Variants in FSD2 observed in about 807,000 individuals in gnomAD.
FSD2 encodes the protein fibronectin type III and SPRY domain-containing protein 2.
A neutral mutation model predicts 80.4 loss-of-function variants in FSD2; 71 were observed. The observed-to-expected ratio is 0.88, with a 90% confidence interval of 0.73 to 1.08. The LOEUF is 1.08. Among genes scored for constraint, FSD2 ranks in the 50% least tolerant of loss-of-function variants. FSD2 has a pLI of 0.00. For missense variants in FSD2, 923 were observed against 913.8 expected (o/e 1.01, Z -0.13); for synonymous variants, 361 against 329.5 (o/e 1.10, Z -1.03).
At position 82,778,722 on chromosome 15, in the gene FSD2, T is replaced by C. The variant is rs1437680027; in HGVS notation, c.1111+44A>G. 3 of 1,545,158 alleles carry C rather than the reference T, an allele frequency of 1.9e-6. No individual in the cohort carries two copies. The African/African-American group carries it at 4.2e-5, about 21-fold the overall frequency. ...CTCATCACAAGAAAGAAAAAAGCTC[T>C]GGGTAGTCTGAACCTGCCGCGAAGT... On this transcript the variant is annotated intron_variant, in intron 6 of 12. Transcript: ENST00000334574.
chr15:82,762,899 G>A (rs1191266232), intron 11 of FSD2, among the ~76,000 whole-genome samples: 1 of 152,110 alleles, frequency 6.6e-6, no homozygotes, highest in Non-Finnish European at 1.5e-5. Context: ...AAATTATACT[G>A]GTATCTCCAA....
In FSD2 at chr15:82,765,978, C is replaced by T. The variant is rs149195634; in HGVS notation, c.1607G>A (p.Arg536Gln). 1.8e-5 allele frequency: 29 copies of T among 1,600,554 alleles called. 1 individual carries two copies. The highest frequency in any genetic ancestry group is 1.1e-4 in the African/African-American group (8 of 74,860). ...CESVVQLQPGRSYIIYVRALN... is the reference protein window; with the variant it reads ...CESVVQLQPGQSYIIYVRALN... ...GGCTCGCACATAGATAATGTAGCTC[C>T]GCCCCGGCTGCAGCTGCACCACGGA... is the stretch of plus-strand genomic sequence containing the variant. Residue 536 changes from arginine to glutamine, a missense_variant, in exon 10 of 13, where the codon CGG (arginine) becomes CAG (glutamine). Physicochemically the swap from Arg to Gln is conservative, Grantham distance 43. Coordinates refer to ENST00000334574, the MANE Select transcript of FSD2 (RefSeq NM_001007122.4).
Position 82,774,957 on chromosome 15 carries a change from T to C in FSD2, c.1112-2729A>G, listed in dbSNP as rs911089445. Among the ~76,000 whole-genome samples the C allele has an allele frequency of 5.3e-5, 8 of 150,544 alleles. No homozygotes were observed. In the East Asian group the frequency reaches 1.4e-3, roughly 27 times the overall value. The stretch of plus-strand genomic sequence containing the variant: ...GGATGGTCTCAATCTCCTGACCTCA[T>C]GATCCACCCACCTCAGCCGTCCAAA... On this transcript the variant is annotated intron_variant, in intron 6 of 12. Coordinates refer to ENST00000334574, the MANE Select transcript of FSD2 (RefSeq NM_001007122.4).
At chr15:82,783,080 A>G in intron 3 of FSD2, 55 bp from the exon 4 acceptor site, 1 of 1,306,560 alleles carries the variant, frequency 7.7e-7, no homozygotes, top group Admixed American at 2.2e-5. Flanking sequence ...TGTTGATTAG[A>G]GTCTTTTGTT....
chr15:82,782,127 G>C (rs1204975739), intron 4 of FSD2, among the ~76,000 whole-genome samples: 4 of 148,656 alleles, frequency 2.7e-5, no homozygotes, highest in African/African-American at 9.9e-5. Context: ...CGGGCATGGT[G>C]GCTCACGCCT....
intron 1 of FSD2, among the ~76,000 whole-genome samples, chr15:82,788,426 C>G (rs563118108): frequency 7.5e-4 from 111 of 147,204 alleles, no homozygotes; most frequent in African/African-American, 2.4e-3. Flanking sequence ...ATCACTTGAG[C>G]CTTGAGGGGT....
Position 82,786,387 on chromosome 15 carries a change from G to T in FSD2, c.735+124C>A. 3 of 721,938 alleles carry T rather than the reference G, an allele frequency of 4.2e-6. No individual in the cohort carries two copies. In the South Asian group the frequency reaches 5.1e-5, roughly 12 times the overall value. The allele number at this position is 721,938 out of a possible 1,614,324, so 44.7% of individuals were successfully genotyped here. ...TCAGTGAAAGAAGGGAGGAGAGAAG[G>T]GGGAGTGGTGACCCCTCACATTCTA... On this transcript the variant is annotated intron_variant, in intron 3 of 12. Coordinates refer to ENST00000334574, the MANE Select transcript of FSD2 (RefSeq NM_001007122.4).
chr15:82,772,330 C>T (rs945795289), intron 6 of FSD2, 102 bp from the exon 7 acceptor site: 4 of 1,228,520 alleles, frequency 3.3e-6, no homozygotes, highest in Admixed American at 4.6e-5. Flanking sequence ...AATCCACAGC[C>T]TTTGGGAATG....
At chr15:82,779,215 C>CT (rs1218159420) in intron 5 of FSD2, among the ~76,000 whole-genome samples, 1 of 152,164 alleles carries the variant, frequency 6.6e-6, no homozygotes, top group Non-Finnish European at 1.5e-5. Context: ...AGTTCCCACT[C>CT]TCAAGTCACT....
chr15:82,786,690 C>T (rs901731654), intron 2 of FSD2, 62 bp downstream of exon 2: 64 of 1,605,576 alleles, frequency 4.0e-5, no homozygotes, highest in Non-Finnish European at 5.2e-5. Flanking sequence ...TTATTCCCTG[C>T]GTATGTACTT....
intron 1 of FSD2, among the ~76,000 whole-genome samples, chr15:82,787,701 A>C (rs772635797): frequency 2.0e-5 from 3 of 151,222 alleles, no homozygotes; most frequent in Non-Finnish European, 4.4e-5. Flanking sequence ...ATGTCCAACA[A>C]AATACTTCCC....
intron 1 of FSD2, among the ~76,000 whole-genome samples, chr15:82,796,755 C>T (rs2050281176): frequency 6.6e-6 from 1 of 152,142 alleles, no homozygotes; most frequent in African/African-American, 2.4e-5. Flanking sequence ...TTTCCACCAT[C>T]ACTCTTCAGG....
At chr15:82,775,152 A>C (rs2049685453) in intron 6 of FSD2, among the ~76,000 whole-genome samples, 2 of 151,648 alleles carry the variant, frequency 1.3e-5, no homozygotes, top group Admixed American at 6.6e-5. Flanking sequence ...TAATCCCAGC[A>C]CTTTGGGAGG....
At chr15:82,784,284 AC>A (rs2049945249) in intron 3 of FSD2, among the ~76,000 whole-genome samples, 4 of 151,136 alleles carry the variant, frequency 2.6e-5, no homozygotes, top group Admixed American at 1.3e-4. Context: ...TCATTTTGCC[AC>A]CCAGGTTGGA....
chr15:82,800,422 T>G (rs2050381154), intron 1 of FSD2, among the ~76,000 whole-genome samples: 1 of 148,452 alleles, frequency 6.7e-6, no homozygotes, highest in African/African-American at 2.5e-5. Context: ...CCCCACACAG[T>G]GGCTCACACC....
chr15:82,798,240 G>T (rs1174741585), intron 1 of FSD2, among the ~76,000 whole-genome samples: 2 of 152,168 alleles, frequency 1.3e-5, no homozygotes, highest in Non-Finnish European at 2.9e-5. Context: ...AGCTACTCGG[G>T]ATGCTAAGGT....
intron 1 of FSD2, among the ~76,000 whole-genome samples, chr15:82,802,304 T>C (rs2050433194): frequency 6.6e-6 from 1 of 152,194 alleles, no homozygotes; most frequent in Non-Finnish European, 1.5e-5. Context: ...TCATGCACAT[T>C]GCCTGCACTT....
chr15:82,784,600 C>G (rs2049952958), intron 3 of FSD2, among the ~76,000 whole-genome samples: 1 of 152,134 alleles, frequency 6.6e-6, no homozygotes, highest in African/African-American at 2.4e-5. Context: ...CTACCACTAC[C>G]CTATGCTTGG....
chr15:82,770,759 C>T (rs2049548490), intron 7 of FSD2, among the ~76,000 whole-genome samples: 1 of 152,126 alleles, frequency 6.6e-6, no homozygotes. Context: ...GGTTATGCAG[C>T]AAAAACTAAC....
Sources: allele counts gnomAD v4.1 joint callset (sites outside exome capture counted in the v4.1 genomes callset), GRCh38; gene constraint gnomAD v4.1.1; transcripts MANE v1.5; gene names NCBI Gene and HGNC (gene_info 2026-07-23, HGNC 2026-07-21).